TSHZ2: variants seen among roughly 807,000 people sequenced by gnomAD.
TSHZ2 encodes the protein teashirt zinc finger homeobox 2.
TSHZ2 carries 21 observed loss-of-function variants against 74.4 expected under a neutral mutation model. That is an observed-to-expected ratio of 0.28 (90% CI 0.20 to 0.41). The LOEUF is 0.41. TSHZ2 is among the 10% of genes least tolerant of loss of function. TSHZ2 has a pLI of 1.00. For synonymous variants in TSHZ2, 540 were observed against 515.3 expected (o/e 1.05, Z -0.65); for missense variants, 1,244 against 1,293.5 (o/e 0.96, Z 0.59).
chr20:53,382,624 G>T (rs969395111), intron 2 of TSHZ2, among the ~76,000 whole-genome samples: 1 of 152,192 alleles, frequency 6.6e-6, no homozygotes, highest in Admixed American at 6.5e-5. Context: ...CTCTTCACGA[G>T]CCCTGGTGGC....
At chr20:53,240,740 T>TAGATAGAC (rs1178070467) in intron 1 of TSHZ2, among the ~76,000 whole-genome samples, 1 of 151,604 alleles carries the variant, frequency 6.6e-6, no homozygotes, top group Non-Finnish European at 1.5e-5. Context: ...GATAGATAGA[T>TAGATAGAC]AGATAGATAG....
Position 53,256,090 on chromosome 20 carries a change from G to A in TSHZ2, c.2632G>A (p.Gly878Ser), listed in dbSNP as rs1990473764. 6.2e-7 allele frequency: 1 copy of A among 1,614,114 alleles called. No homozygotes were observed. Among genetic ancestry groups the A allele is most frequent in the Middle Eastern group, 1.6e-4 (1 of 6,062 alleles). ...SEGKYLLSDL[G>S]PQERMQISKF... ...GGGCAAATACCTGCTGTCTGATCTG[G>A]GCCCACAAGAGCGTATGCAAATCTC... The change falls in exon 2 of 3, where the codon GGC becomes AGC. Residue 878 changes from glycine to serine, a missense_variant. Gly to Ser is a moderately conservative substitution (Grantham distance 56, BLOSUM62 0). This residue lies in a region of TSHZ2 where 185 missense variants were observed against 213.3 expected (regional missense o/e 0.87). Coordinates refer to ENST00000371497, the MANE Select transcript of TSHZ2 (RefSeq NM_173485.6). This position sits in a 1 kb window ranked among gnomAD's most constrained non-coding sequence, Gnocchi z 4.3.
At chr20:53,127,964 A>G (rs2076622494) in intron 1 of TSHZ2, among the ~76,000 whole-genome samples, 1 of 152,172 alleles carries the variant, frequency 6.6e-6, no homozygotes, top group South Asian at 2.1e-4. Context: ...AATTTGCTCT[A>G]AAGTCTCTGT....
chr20:53,038,900 G>GT lies in TSHZ2; in HGVS notation c.40+65570dup, dbSNP rs748995371. Among the ~76,000 whole-genome samples the GT allele has an allele frequency of 3.9e-3, 555 of 143,614 alleles. 4 individuals carry two copies. The highest frequency in any genetic ancestry group is 0.015 in the African/African-American group (524 of 35,562). The allele number at this position is 143,614 out of a possible 152,430, so 94.2% of individuals were successfully genotyped here. ...TTTGTTTTGTTTTGTTTGTTTGTTT[G>GT]TTTGTTTGTTTTTGAGATGGAGTTT... On this transcript the variant is annotated intron_variant, in intron 1 of 2. Transcript: ENST00000371497.
intron 2 of TSHZ2, among the ~76,000 whole-genome samples, chr20:53,316,465 A>T (rs1338521485): frequency 6.6e-6 from 1 of 152,148 alleles, no homozygotes; most frequent in Non-Finnish European, 1.5e-5. Flanking sequence ...GAAATGATGA[A>T]ACAATTCAGG....
At chr20:53,175,623 C>G (rs1017572435) in intron 1 of TSHZ2, among the ~76,000 whole-genome samples, 12 of 152,226 alleles carry the variant, frequency 7.9e-5, no homozygotes, top group African/African-American at 2.9e-4. Flanking sequence ...GTCTTCTCAT[C>G]TGTCTCCCAC....
chr20:53,378,434 A>G (rs1488170788), intron 2 of TSHZ2, among the ~76,000 whole-genome samples: 1 of 151,802 alleles, frequency 6.6e-6, no homozygotes, highest in Non-Finnish European at 1.5e-5. Flanking sequence ...ATGTCATTCA[A>G]AATCTCCCAC....
At chr20:53,236,829 G>A (rs530482013) in intron 1 of TSHZ2, among the ~76,000 whole-genome samples, 1 of 152,322 alleles carries the variant, frequency 6.6e-6, no homozygotes, top group East Asian at 1.9e-4. Context: ...ACAGTATGAA[G>A]TGGGGAAAAG....
At chr20:53,436,527 A>AT (rs1368098822) in intron 2 of TSHZ2, among the ~76,000 whole-genome samples, 2 of 120,108 alleles carry the variant, frequency 1.7e-5, no homozygotes, top group African/African-American at 3.2e-5. Flanking sequence ...TTATTTATTT[A>AT]TTATTATTAT....
intron 2 of TSHZ2, among the ~76,000 whole-genome samples, chr20:53,375,772 T>A (rs1402197690): frequency 6.6e-6 from 1 of 152,190 alleles, no homozygotes; most frequent in African/African-American, 2.4e-5. Context: ...GCATCAAAAT[T>A]ATTTTTTCTC....
intron 1 of TSHZ2, among the ~76,000 whole-genome samples, chr20:53,078,270 G>T (rs193234536): frequency 1.3e-5 from 2 of 152,108 alleles, no homozygotes; most frequent in Admixed American, 6.5e-5. Flanking sequence ...AATAATGTGG[G>T]TTTAACCATT....
intron 2 of TSHZ2, among the ~76,000 whole-genome samples, chr20:53,350,986 T>C (rs1169418872): frequency 2.6e-5 from 4 of 152,184 alleles, no homozygotes; most frequent in Non-Finnish European, 5.9e-5. Context: ...GAACAAAGCT[T>C]TTATGAAGGT....
chr20:53,102,540 A>T (rs1986247556), intron 1 of TSHZ2, among the ~76,000 whole-genome samples: 1 of 152,142 alleles, frequency 6.6e-6, no homozygotes. Context: ...ACTCTTAATA[A>T]GACCGTAAAG....
At chr20:53,026,670 T>C (rs1983457648) in intron 1 of TSHZ2, among the ~76,000 whole-genome samples, 1 of 152,240 alleles carries the variant, frequency 6.6e-6, no homozygotes, top group Non-Finnish European at 1.5e-5. Context: ...CCACACATGG[T>C]ATGCTGTTAA....
intron 2 of TSHZ2, among the ~76,000 whole-genome samples, chr20:53,340,883 G>A (rs1361842521): frequency 6.6e-6 from 1 of 152,132 alleles, no homozygotes; most frequent in African/African-American, 2.4e-5. Flanking sequence ...TGTTCGCTTG[G>A]ACAAGCTGCC....
chr20:53,169,097 CTG>C (rs1209610654), intron 1 of TSHZ2, among the ~76,000 whole-genome samples: 5 of 152,210 alleles, frequency 3.3e-5, no homozygotes, highest in African/African-American at 1.2e-4. Flanking sequence ...GTTCAGGAAT[CTG>C]TAATTTTTAC....
At chr20:53,135,293 C>T (rs1238867034) in intron 1 of TSHZ2, among the ~76,000 whole-genome samples, 1 of 152,188 alleles carries the variant, frequency 6.6e-6, no homozygotes. Context: ...GCTTCCCTCT[C>T]CAGTCACACC....
At chr20:53,077,410 C>A (rs1985399939) in intron 1 of TSHZ2, among the ~76,000 whole-genome samples, 4 of 137,326 alleles carry the variant, frequency 2.9e-5, no homozygotes, top group Non-Finnish European at 3.1e-5. Flanking sequence ...GACTCTACCT[C>A]AAAAAAAAAA....
chr20:53,062,523 A>G (rs952329392), intron 1 of TSHZ2, among the ~76,000 whole-genome samples: 2 of 152,180 alleles, frequency 1.3e-5, no homozygotes, highest in Admixed American at 1.3e-4. Context: ...GTGTTTCTTG[A>G]ACTTCATAAA....
Sources: gnomAD v4.1 joint callset for allele counts (sites outside exome capture counted in the v4.1 genomes callset) on GRCh38, gnomAD v4.1.1 for gene constraint, gnomAD v4.1.1 regional missense constraint, Gnocchi (gnomAD v3.1) non-coding constraint, MANE v1.5 for transcripts, NCBI Gene and HGNC (gene_info 2026-07-23, HGNC 2026-07-21) for gene names.